SCML4: variants seen among roughly 807,000 people sequenced by gnomAD.
SCML4 encodes Scm polycomb group protein like 4.
SCML4 carries 34 observed loss-of-function variants against 41.1 expected under a neutral mutation model. The ratio of observed to expected loss-of-function variants is 0.83; its 90% CI spans 0.63 to 1.10. The LOEUF is 1.10. SCML4 is among the 50% of genes least tolerant of loss of function. SCML4 has a pLI of 0.00. For missense variants in SCML4, 522 were observed against 534.1 expected, an observed-to-expected ratio of 0.98 and a Z score of 0.22; for synonymous variants, 214 against 220.9, an observed-to-expected ratio of 0.97 and a Z score of 0.28.
chr6:107,756,554 A>G (rs904635557), intron 2 of SCML4, among the ~76,000 whole-genome samples: 1 of 152,204 alleles, frequency 6.6e-6, no homozygotes, highest in African/African-American at 2.4e-5. Context: ...CTTGGATGGG[A>G]TCCTGGAATA....
chr6:107,731,026 G>GT (rs1776486751), intron 5 of SCML4, among the ~76,000 whole-genome samples: 1 of 152,156 alleles, frequency 6.6e-6, no homozygotes, highest in African/African-American at 2.4e-5. Context: ...GGACACCCAG[G>GT]TGCAGCCCAT....
chr6:107,778,548 T>C (rs1781222379), intron 1 of SCML4, among the ~76,000 whole-genome samples: 1 of 152,052 alleles, frequency 6.6e-6, no homozygotes, highest in African/African-American at 2.4e-5. Context: ...TCCCTCTTCT[T>C]ATCAAGCCAA....
chr6:107,798,380 T>A (rs975598262), intron 1 of SCML4, among the ~76,000 whole-genome samples: 13 of 152,036 alleles, frequency 8.6e-5, no homozygotes, highest in African/African-American at 2.9e-4. Context: ...TTGTTGTGAA[T>A]TTATTAACAT....
intron 1 of SCML4, among the ~76,000 whole-genome samples, chr6:107,819,462 T>A (rs1044825726): frequency 6.6e-6 from 1 of 152,196 alleles, no homozygotes; most frequent in African/African-American, 2.4e-5. Flanking sequence ...GTGTTGACAC[T>A]ATTTTTTCCT....
At chr6:107,817,879 A>C (rs901861513) in intron 1 of SCML4, among the ~76,000 whole-genome samples, 1 of 152,146 alleles carries the variant, frequency 6.6e-6, no homozygotes, top group Non-Finnish European at 1.5e-5. Flanking sequence ...ACCTGGTCTC[A>C]TTAAAGCAAC....
At position 107,705,114 on chromosome 6, in the gene SCML4, T is replaced by C; in HGVS notation, c.*86A>G. The C allele has an allele frequency of 8.2e-7, 1 of 1,215,460 alleles. No homozygotes were observed. The highest frequency in any genetic ancestry group is 1.2e-6 in the Non-Finnish European group (1 of 842,958). 75.3% of individuals were successfully genotyped at this position (1,215,460 alleles called of 1,614,324 possible). On this transcript the variant is annotated 3_prime_UTR_variant, in exon 8 of 8. Transcript: ENST00000369020. ...TGTTAATTTTAAGAGGAGAGTCTAGTTTGTGATGTTGGCGGGATATTGGTA... is the reference window on the plus strand; with the variant it reads ...TGTTAATTTTAAGAGGAGAGTCTAGCTTGTGATGTTGGCGGGATATTGGTA...
At chr6:107,723,139 C>A (rs980594380) in intron 5 of SCML4, among the ~76,000 whole-genome samples, 2 of 152,096 alleles carry the variant, frequency 1.3e-5, no homozygotes, top group Admixed American at 6.5e-5. Flanking sequence ...ACCAACCTTA[C>A]AGAAATTGAA....
the SCML4 span, among the ~76,000 whole-genome samples, chr6:107,840,836 G>T: frequency 2.6e-5 from 4 of 152,068 alleles, no homozygotes; most frequent in Non-Finnish European, 5.9e-5. Flanking sequence ...AGAGTGGGAC[G>T]GGGGTAAGGT....
chr6:107,800,914 C>T (rs146610595), intron 1 of SCML4, among the ~76,000 whole-genome samples: 1 of 152,332 alleles, frequency 6.6e-6, no homozygotes, highest in Non-Finnish European at 1.5e-5. Flanking sequence ...GATTTGGGAG[C>T]AAGTGCTCCC....
chr6:107,747,946 T>G (rs1420461436), intron 3 of SCML4, among the ~76,000 whole-genome samples: 1 of 152,206 alleles, frequency 6.6e-6, no homozygotes, highest in Non-Finnish European at 1.5e-5. Context: ...GCTGAACTGG[T>G]CAGCCTGTCT....
At chr6:107,722,668 A>G (rs1775546370) in intron 5 of SCML4, among the ~76,000 whole-genome samples, 1 of 152,244 alleles carries the variant, frequency 6.6e-6, no homozygotes, top group Admixed American at 6.5e-5. Context: ...TTCTTCCACA[A>G]TGTAGGAAGA....
At position 107,818,370 on chromosome 6, in the gene SCML4, T is replaced by A. The variant is rs180725317; in HGVS notation, c.-60+5756A>T. Among the ~76,000 whole-genome samples, 209 of 152,232 alleles carry A rather than the reference T, an allele frequency of 1.4e-3. 1 individual carries two copies. The highest frequency in any genetic ancestry group is 4.7e-3 in the African/African-American group (195 of 41,510). The stretch of plus-strand genomic sequence containing the variant: ...CAAATGACCACAGATTCCTCACGAC[T>A]GAAAAAATAACAGAAATCTATTCCC... On this transcript the variant is annotated intron_variant, in intron 1 of 7. Transcript: ENST00000369020.
chr6:107,726,433 T>G (rs112247504), intron 5 of SCML4, among the ~76,000 whole-genome samples: 6,197 of 145,590 alleles, frequency 0.043, 422 homozygotes, highest in African/African-American at 0.15. Context: ...CTCGGGAGGC[T>G]GAGGCAGGAG....
chr6:107,745,150 A>C lies in SCML4; in HGVS notation c.488-7T>G. On this transcript the variant is annotated splice_region_variant and splice_polypyrimidine_tract_variant and intron_variant, in intron 4 of 7. Coordinates refer to ENST00000369020, the MANE Select transcript of SCML4 (RefSeq NM_198081.5). ...CCATCAAAGGAAGCCGAGACTGGAA[A>C]ACCAGAGAGATGTCAGCTTAGAGCC... The C allele has an allele frequency of 6.4e-7, 1 of 1,555,522 alleles. No individual in the cohort carries two copies. The highest frequency in any genetic ancestry group is 2.4e-5 in the East Asian group (1 of 41,668).
chr6:107,753,968 C>G (rs1382629898), intron 2 of SCML4, among the ~76,000 whole-genome samples: 1 of 152,162 alleles, frequency 6.6e-6, no homozygotes, highest in East Asian at 1.9e-4. Flanking sequence ...CCATGGCTTC[C>G]AATTTCCCCA....
intron 6 of SCML4, among the ~76,000 whole-genome samples, chr6:107,717,897 A>G (rs1273868230): frequency 2.0e-5 from 3 of 152,176 alleles, no homozygotes; most frequent in South Asian, 4.1e-4. Flanking sequence ...TTCAGGGTTC[A>G]GGTATTGATG....
the SCML4 span, among the ~76,000 whole-genome samples, chr6:107,839,352 A>T: frequency 2.5e-5 from 2 of 79,952 alleles, no homozygotes; most frequent in Non-Finnish European, 5.1e-5. Flanking sequence ...AAAGAAAGAA[A>T]GAAAGAAAGA....
intron 1 of SCML4, among the ~76,000 whole-genome samples, chr6:107,817,640 A>AAAG: frequency 6.6e-6 from 1 of 151,420 alleles, no homozygotes; most frequent in Non-Finnish European, 1.5e-5. Context: ...AAAAAAGAAA[A>AAAG]AAAAAAATCA....
chr6:107,757,671 G>A (rs1331854030), intron 2 of SCML4, among the ~76,000 whole-genome samples: 1 of 152,164 alleles, frequency 6.6e-6, no homozygotes, highest in African/African-American at 2.4e-5. Flanking sequence ...CTCACACAGG[G>A]ATGTAGTTAG....
Sources: gnomAD v4.1 joint callset for allele counts (sites outside exome capture counted in the v4.1 genomes callset) on GRCh38, gnomAD v4.1.1 for gene constraint, MANE v1.5 for transcripts, NCBI Gene and HGNC (gene_info 2026-07-23, HGNC 2026-07-21) for gene names.